FSHR: variants seen among roughly 807,000 people sequenced by gnomAD.
The protein encoded by FSHR is follicle-stimulating hormone receptor.
FSHR carries 46 observed loss-of-function variants against 52.1 expected under a neutral mutation model. The observed-to-expected ratio is 0.88, with a 90% CI of 0.70 to 1.13. FSHR has a LOEUF of 1.13. FSHR is among the 50% of genes most tolerant of loss of function. FSHR has a pLI of 0.00. For synonymous variants in FSHR, 399 were observed against 309.6 expected (o/e 1.29, Z -3.03); for missense variants, 964 against 834.6 (o/e 1.16, Z -1.91).
chr2:49,071,100 T>C (rs1052271828), intron 1 of FSHR, among the ~76,000 whole-genome samples: 4 of 152,186 alleles, frequency 2.6e-5, no homozygotes, highest in Admixed American at 2.0e-4. Flanking sequence ...AGATACATTT[T>C]CATCTCATAC....
At chr2:49,102,534 C>A (rs751304735) in intron 1 of FSHR, among the ~76,000 whole-genome samples, 3 of 152,116 alleles carry the variant, frequency 2.0e-5, no homozygotes, top group Non-Finnish European at 4.4e-5. Flanking sequence ...ATAGAACAGA[C>A]AAGTGCAGTC....
intron 4 of FSHR, among the ~76,000 whole-genome samples, chr2:48,997,947 A>G (rs1484611764): frequency 2.0e-5 from 3 of 152,046 alleles, no homozygotes; most frequent in Admixed American, 2.0e-4. Context: ...CTCGTTCTCT[A>G]ATTGCCTTCT....
chr2:49,072,658 A>G (rs562011876), intron 1 of FSHR, among the ~76,000 whole-genome samples: 1 of 152,182 alleles, frequency 6.6e-6, no homozygotes, highest in Admixed American at 6.6e-5. Flanking sequence ...ATAATTTCAT[A>G]TTAGATAAAG....
At chr2:49,054,626 G>A (rs1668987667) in intron 2 of FSHR, among the ~76,000 whole-genome samples, 2 of 152,116 alleles carry the variant, frequency 1.3e-5, no homozygotes, top group South Asian at 4.2e-4. Context: ...ACCCCAGTGA[G>A]CCAGACCCTG....
At chr2:49,018,628 G>A (rs898148099) in intron 3 of FSHR, among the ~76,000 whole-genome samples, 2 of 152,190 alleles carry the variant, frequency 1.3e-5, no homozygotes, top group African/African-American at 2.4e-5. Flanking sequence ...GATAATGTCT[G>A]TGGGTTCTTC....
intron 1 of FSHR, among the ~76,000 whole-genome samples, chr2:49,130,711 C>T (rs13414533): frequency 0.47 from 70,694 of 151,986 alleles, 17,486 homozygotes; most frequent in East Asian, 0.7. Flanking sequence ...TTAAGGGTCT[C>T]CTCCTTTAAA....
intron 1 of FSHR, among the ~76,000 whole-genome samples, chr2:49,140,103 A>G (rs527592202): frequency 1.2e-4 from 18 of 152,190 alleles, no homozygotes; most frequent in Admixed American, 1.2e-3. Context: ...AGGACATCAC[A>G]TCTGACGTAG....
intron 1 of FSHR, among the ~76,000 whole-genome samples, chr2:49,144,186 C>T (rs1019559857): frequency 6.6e-6 from 1 of 152,058 alleles, no homozygotes; most frequent in African/African-American, 2.4e-5. Context: ...AGAATCTTCT[C>T]CAGGAAATTC....
At chr2:49,127,785 T>C (rs200795252) in intron 1 of FSHR, among the ~76,000 whole-genome samples, 11 of 51,842 alleles carry the variant, frequency 2.1e-4, no homozygotes, top group African/African-American at 8.2e-4. Context: ...CTTCTTCTTC[T>C]TCTTCTTCTT....
At chr2:49,100,900 A>C (rs72822036) in intron 1 of FSHR, among the ~76,000 whole-genome samples, 9,034 of 152,254 alleles carry the variant, frequency 0.059, 558 homozygotes, top group East Asian at 0.24. Flanking sequence ...GGAGATTGAG[A>C]AAGAATGATC....
chr2:49,099,506 C>T (rs1285065932), intron 1 of FSHR, among the ~76,000 whole-genome samples: 2 of 152,084 alleles, frequency 1.3e-5, no homozygotes, highest in Non-Finnish European at 2.9e-5. Context: ...CAGTTCTAAG[C>T]TCCCATACCT....
chr2:48,988,842 C>CG, intron 6 of FSHR, 135 bp downstream of exon 6: 1 of 720,428 alleles, frequency 1.4e-6, no homozygotes, highest in African/African-American at 1.8e-5. Context: ...GAGAGAGGAA[C>CG]GCAGAACTGG....
chr2:49,028,249 A>G (rs1667977648), intron 2 of FSHR, among the ~76,000 whole-genome samples: 1 of 152,222 alleles, frequency 6.6e-6, no homozygotes, highest in South Asian at 2.1e-4. Context: ...ATTAACCTTT[A>G]TTAGATGTTT....
At chr2:48,987,532 G>A (rs1203049363) in intron 6 of FSHR, among the ~76,000 whole-genome samples, 2 of 152,006 alleles carry the variant, frequency 1.3e-5, no homozygotes, top group African/African-American at 4.8e-5. Context: ...TTTTATAAAA[G>A]GCAGGTGCTC....
intron 1 of FSHR, among the ~76,000 whole-genome samples, chr2:49,152,448 TC>T (rs1673096933): frequency 6.6e-6 from 1 of 152,096 alleles, no homozygotes; most frequent in Non-Finnish European, 1.5e-5. Context: ...ACAAATATAC[TC>T]CCTGAAGCTT....
At chr2:49,065,538 T>A (rs1464594620) in intron 2 of FSHR, among the ~76,000 whole-genome samples, 1 of 151,996 alleles carries the variant, frequency 6.6e-6, no homozygotes, top group African/African-American at 2.4e-5. Flanking sequence ...CTGGGCAATA[T>A]GGGAATACGA....
At chr2:48,973,200 G>A (rs1674820047) in intron 8 of FSHR, among the ~76,000 whole-genome samples, 1 of 152,174 alleles carries the variant, frequency 6.6e-6, no homozygotes, top group Admixed American at 6.5e-5. Flanking sequence ...CCTAAACCAT[G>A]CAGACAGGTC....
intron 1 of FSHR, among the ~76,000 whole-genome samples, chr2:49,112,967 C>T (rs1213890910): frequency 6.6e-6 from 1 of 151,934 alleles, no homozygotes; most frequent in African/African-American, 2.4e-5. Flanking sequence ...AGAAAAGCCT[C>T]CATGAATGTG....
At chr2:49,002,691 C>T (rs149407400) in intron 4 of FSHR, among the ~76,000 whole-genome samples, 1 of 152,052 alleles carries the variant, frequency 6.6e-6, no homozygotes, top group Non-Finnish European at 1.5e-5. Flanking sequence ...AAGTCCCTCC[C>T]CAACATGTGG....
Sources: allele counts gnomAD v4.1 joint callset (sites outside exome capture counted in the v4.1 genomes callset), GRCh38; gene constraint gnomAD v4.1.1; transcripts MANE v1.5; gene names NCBI Gene and HGNC (gene_info 2026-07-23, HGNC 2026-07-21).